The following SNTG1 variants were observed in gnomAD, a reference collection of about 807,000 sequenced individuals.
SNTG1 encodes syntrophin gamma 1.
SNTG1 carries 39 observed loss-of-function variants against 74.7 expected under a neutral mutation model. The ratio of observed to expected loss-of-function variants is 0.52; its 90% confidence interval spans 0.40 to 0.68. The LOEUF is 0.68. Ranked by LOEUF, SNTG1 falls within the 30% of genes least tolerant of loss-of-function variation. SNTG1 has a pLI of 0.00. For synonymous variants in SNTG1, 254 were observed against 217.1 expected (o/e 1.17, Z -1.49); for missense variants, 685 against 609.5 (o/e 1.12, Z -1.30).
At chr8:50,176,216 CTG>C (rs1418557575) in intron 2 of SNTG1, among the ~76,000 whole-genome samples, 7 of 152,312 alleles carry the variant, frequency 4.6e-5, no homozygotes, top group Admixed American at 2.6e-4. Flanking sequence ...CTGCCCCTCT[CTG>C]TGTCACAAGT....
At chr8:50,371,411 C>A (rs1050433856) in intron 2 of SNTG1, among the ~76,000 whole-genome samples, 3 of 152,196 alleles carry the variant, frequency 2.0e-5, no homozygotes, top group South Asian at 2.1e-4. Context: ...ACCATGGCTT[C>A]TCCCTCCCAG....
intron 13 of SNTG1, among the ~76,000 whole-genome samples, chr8:50,606,998 A>AT (rs1329883613): frequency 6.6e-5 from 10 of 151,824 alleles, no homozygotes; most frequent in Admixed American, 2.6e-4. Flanking sequence ...AATTTAAGAA[A>AT]TTTTTCAACT....
At chr8:50,016,920 G>A (rs1816377034) in intron 1 of SNTG1, among the ~76,000 whole-genome samples, 1 of 152,012 alleles carries the variant, frequency 6.6e-6, no homozygotes, top group Non-Finnish European at 1.5e-5. Flanking sequence ...AGAAACCAAG[G>A]AAGCTGGAAA....
intron 4 of SNTG1, among the ~76,000 whole-genome samples, chr8:50,429,901 C>T (rs1381885623): frequency 6.6e-6 from 1 of 151,892 alleles, no homozygotes; most frequent in Non-Finnish European, 1.5e-5. Context: ...ACATCAAAAC[C>T]ATTATATACA....
At position 50,622,999 on chromosome 8, in the gene SNTG1, CT is replaced by C. The variant is rs529934168; in HGVS notation, c.849+32086del. 1.4e-3 allele frequency among the ~76,000 whole-genome samples: 212 copies of C among 152,090 alleles called. 1 individual carries two copies. The highest frequency in any genetic ancestry group is 4.7e-3 in the African/African-American group (197 of 41,522). ...TTTTAATGCACAGAAATGCGACTGA[CT>C]TTTATGTATTGATTTTGTATCCTGA... On this transcript the variant is annotated intron_variant, in intron 13 of 18. Transcript: ENST00000642720.
intron 1 of SNTG1, among the ~76,000 whole-genome samples, chr8:50,004,065 C>T (rs1814989495): frequency 6.6e-6 from 1 of 152,012 alleles, no homozygotes; most frequent in Non-Finnish European, 1.5e-5. Flanking sequence ...ATACGGGGAT[C>T]AGGAAAAGCT....
chr8:50,552,907 T>C, intron 11 of SNTG1, 143 bp from the exon 12 acceptor site: 4 of 952,140 alleles, frequency 4.2e-6, no homozygotes, highest in Non-Finnish European at 6.1e-6. Context: ...ACAGAGATGC[T>C]TATAAAGTCA....
chr8:49,947,339 A>G (rs1809288821), intron 1 of SNTG1, among the ~76,000 whole-genome samples: 1 of 152,122 alleles, frequency 6.6e-6, no homozygotes, highest in Non-Finnish European at 1.5e-5. Context: ...TCCGTTTACA[A>G]CTTTTTCCCA....
intron 18 of SNTG1, among the ~76,000 whole-genome samples, chr8:50,785,985 CTAAG>C (rs1438771783): frequency 6.6e-6 from 1 of 151,676 alleles, no homozygotes. Flanking sequence ...CTGAAGAAAA[CTAAG>C]TATTGAAGGA....
At chr8:50,687,227 G>A (rs2095356567) in intron 15 of SNTG1, among the ~76,000 whole-genome samples, 1 of 149,662 alleles carries the variant, frequency 6.7e-6, no homozygotes, top group East Asian at 2.0e-4. Context: ...GACAGCGAGA[G>A]ATGAAAAATG....
intron 1 of SNTG1, among the ~76,000 whole-genome samples, chr8:49,933,257 G>A (rs1320687674): frequency 2.6e-5 from 4 of 152,070 alleles, no homozygotes; most frequent in South Asian, 2.1e-4. Context: ...CCTCATCCTC[G>A]CCAATGCTTG....
At chr8:50,758,030 T>C (rs2095585876) in intron 18 of SNTG1, among the ~76,000 whole-genome samples, 1 of 151,968 alleles carries the variant, frequency 6.6e-6, no homozygotes, top group Admixed American at 6.6e-5. Flanking sequence ...CACAATCCTA[T>C]ACAATCTAAT....
chr8:50,623,950 T>C (rs2094940265), intron 13 of SNTG1, among the ~76,000 whole-genome samples: 1 of 152,044 alleles, frequency 6.6e-6, no homozygotes, highest in South Asian at 2.1e-4. Context: ...TTTTGAAATA[T>C]GATTTTCAGT....
chr8:49,968,921 A>T (rs1237871941), intron 1 of SNTG1, among the ~76,000 whole-genome samples: 1 of 152,202 alleles, frequency 6.6e-6, no homozygotes, highest in Non-Finnish European at 1.5e-5. Flanking sequence ...CTGAGGCAGA[A>T]TAATATATTT....
chr8:50,663,228 G>T (rs189321951), intron 15 of SNTG1, among the ~76,000 whole-genome samples: 109 of 152,272 alleles, frequency 7.2e-4, no homozygotes, highest in African/African-American at 2.6e-3. Flanking sequence ...GTCATCTTGG[G>T]TATGAGGTTG....
intron 1 of SNTG1, among the ~76,000 whole-genome samples, chr8:50,142,273 T>A (rs977289035): frequency 6.6e-6 from 1 of 152,092 alleles, no homozygotes; most frequent in African/African-American, 2.4e-5. Flanking sequence ...CTGTGTGTTT[T>A]CTACAGAAAC....
chr8:50,159,007 G>T (rs2082334441), intron 1 of SNTG1, among the ~76,000 whole-genome samples: 1 of 152,094 alleles, frequency 6.6e-6, no homozygotes, highest in African/African-American at 2.4e-5. Context: ...CTTCTAATTT[G>T]ATGGTTGAAT....
At chr8:50,361,955 A>G (rs2091971263) in intron 2 of SNTG1, among the ~76,000 whole-genome samples, 1 of 152,212 alleles carries the variant, frequency 6.6e-6, no homozygotes, top group South Asian at 2.1e-4. Context: ...ACCTATATAG[A>G]GCACTCATGC....
chr8:50,418,034 G>A (rs1030234239), intron 4 of SNTG1, among the ~76,000 whole-genome samples: 3 of 151,860 alleles, frequency 2.0e-5, no homozygotes, highest in African/African-American at 7.3e-5. Context: ...TTCCAACCAA[G>A]CAACTATAAT....
Sources: allele counts gnomAD v4.1 joint callset (sites outside exome capture counted in the v4.1 genomes callset), GRCh38; gene constraint gnomAD v4.1.1; transcripts MANE v1.5; gene names NCBI Gene and HGNC (gene_info 2026-07-23, HGNC 2026-07-21).